Variants in TCF12 observed in about 807,000 individuals in gnomAD.
TCF12 encodes the protein transcription factor 12, also known as DNA-binding protein HTF4.
A neutral mutation model predicts 86.0 loss-of-function variants in TCF12; 45 were observed. That is an observed-to-expected ratio of 0.52 (90% CI 0.41 to 0.67). TCF12 has a LOEUF of 0.67. Ranked by LOEUF, TCF12 falls within the 30% of genes least tolerant of loss-of-function variation. The pLI, the probability that TCF12 is intolerant of heterozygous loss-of-function variation, is 0.00. For missense variants in TCF12, 881 were observed against 859.9 expected, an observed-to-expected ratio of 1.02 and a Z score of -0.31; for synonymous variants, 330 against 299.6, an observed-to-expected ratio of 1.10 and a Z score of -1.05.
rs751531650 is a variant in TCF12 at position 56,920,033 on chromosome 15, T to C, written c.75+45T>C. On this transcript the variant is annotated intron_variant, in intron 2 of 20. Transcript: ENST00000333725. The stretch of plus-strand genomic sequence containing the variant: ...CATCTTGGGGTTCTGCTGAGGTTTT[T>C]GTTTGTTTGTTTGTTTGTTTCTTTT... 6.8e-6 allele frequency: 10 copies of C among 1,462,344 alleles called. No individual in the cohort carries two copies. In the South Asian group the frequency reaches 1.1e-4, roughly 17 times the overall value. The allele number at this position is 1,462,344 out of a possible 1,614,324, so 90.6% of individuals were successfully genotyped here. A position where few individuals can be genotyped will look rare whatever the true frequency, so the allele number is the denominator to read the frequency against.
At position 56,978,058 on chromosome 15, in the gene TCF12, A is replaced by T. The variant is rs553558545; in HGVS notation, c.148+56960A>T. ...AACAAAGATCTGTCTTCGATGCATGAAGAAGCTATTCTCATAAATGTATAT... is the reference window on the plus strand; with the variant it reads ...AACAAAGATCTGTCTTCGATGCATGTAGAAGCTATTCTCATAAATGTATAT... On this transcript the variant is annotated intron_variant, in intron 3 of 20. Transcript: ENST00000333725. 2.0e-5 allele frequency among the ~76,000 whole-genome samples: 3 copies of T among 152,364 alleles called. No individual in the cohort carries two copies. In the East Asian group the frequency reaches 5.8e-4, roughly 29 times the overall value.
intron 3 of TCF12, among the ~76,000 whole-genome samples, chr15:57,010,637 A>G (rs1434449032): frequency 2.6e-5 from 4 of 152,176 alleles, no homozygotes; most frequent in African/African-American, 9.7e-5. Flanking sequence ...CCTTAAAGCA[A>G]AAATAAGGAA....
intron 3 of TCF12, 125 bp from the exon 4 acceptor site, chr15:57,063,625 A>T: frequency 1.7e-6 from 1 of 605,360 alleles, no homozygotes; most frequent in South Asian, 3.3e-5. Context: ...TGAAGCAAGG[A>T]TTGATACTTA....
intron 8 of TCF12, among the ~76,000 whole-genome samples, chr15:57,204,032 G>C (rs1305934177): frequency 1.3e-5 from 2 of 152,084 alleles, no homozygotes; most frequent in African/African-American, 4.8e-5. Context: ...ACCACTATAA[G>C]GAGCTTTATT....
chr15:57,111,858 G>C (rs1470125003), intron 5 of TCF12, among the ~76,000 whole-genome samples: 2 of 152,108 alleles, frequency 1.3e-5, no homozygotes, highest in Non-Finnish European at 2.9e-5. Flanking sequence ...CTTTCGGAGT[G>C]CTAGGATTAC....
At chr15:57,010,608 G>A (rs2064769466) in intron 3 of TCF12, among the ~76,000 whole-genome samples, 1 of 152,068 alleles carries the variant, frequency 6.6e-6, no homozygotes, top group African/African-American at 2.4e-5. Flanking sequence ...TTTTTATGAA[G>A]GGAAGCTTTT....
intron 8 of TCF12, among the ~76,000 whole-genome samples, chr15:57,223,643 GTTTTTTTTTT>G (rs550493641): frequency 1.3e-4 from 9 of 69,666 alleles, no homozygotes; most frequent in East Asian, 1.0e-3. Flanking sequence ...TACCAATGAG[GTTTTTTTTTT>G]TTTTTTTTTT....
intron 8 of TCF12, among the ~76,000 whole-genome samples, chr15:57,218,819 C>A (rs1329390989): frequency 1.3e-5 from 2 of 152,066 alleles, no homozygotes; most frequent in African/African-American, 4.8e-5. Flanking sequence ...TTGGACTAAG[C>A]TTTTTAATAA....
chr15:57,246,641 C>T (rs1234545142), intron 13 of TCF12, among the ~76,000 whole-genome samples: 1 of 151,846 alleles, frequency 6.6e-6, no homozygotes, highest in African/African-American at 2.4e-5. Flanking sequence ...GTTTACAGGG[C>T]AATATACCTG....
chr15:57,025,250 T>G (rs989526682), intron 3 of TCF12, among the ~76,000 whole-genome samples: 4 of 152,140 alleles, frequency 2.6e-5, no homozygotes, highest in Non-Finnish European at 4.4e-5. Flanking sequence ...CGGCTAATTT[T>G]TGTATTTTCA....
chr15:57,108,362 C>T (rs1245387296), intron 5 of TCF12, among the ~76,000 whole-genome samples: 1 of 152,080 alleles, frequency 6.6e-6, no homozygotes. Flanking sequence ...TAGAAAGACA[C>T]AAAAACAATT....
At chr15:57,142,300 C>T (rs1674789079) in intron 5 of TCF12, among the ~76,000 whole-genome samples, 1 of 34,548 alleles carries the variant, frequency 2.9e-5, no homozygotes, top group Non-Finnish European at 7.4e-5. Context: ...TTTACTCACA[C>T]TTTTATAGAT....
At chr15:57,241,897 G>T (rs577293914) in intron 12 of TCF12, among the ~76,000 whole-genome samples, 16 of 138,896 alleles carry the variant, frequency 1.2e-4, no homozygotes, top group Admixed American at 7.1e-4. Context: ...GAGGCTGAGC[G>T]GGGAAAATCA....
chr15:57,079,572 G>T (rs1215130516), intron 4 of TCF12, among the ~76,000 whole-genome samples: 1 of 152,088 alleles, frequency 6.6e-6, no homozygotes, highest in Admixed American at 6.5e-5. Context: ...AGTATATCTG[G>T]ACACACAAAT....
intron 5 of TCF12, among the ~76,000 whole-genome samples, chr15:57,098,021 A>C (rs1338938964): frequency 6.7e-6 from 1 of 149,094 alleles, no homozygotes; most frequent in East Asian, 1.9e-4. Flanking sequence ...AAAAAAAAAA[A>C]AAAAAAAAAA....
intron 3 of TCF12, among the ~76,000 whole-genome samples, chr15:56,925,240 G>GCCCCCCCCCCC (rs11465192): frequency 3.7e-5 from 5 of 136,254 alleles, no homozygotes; most frequent in Admixed American, 7.5e-5. Flanking sequence ...GGTGTCCACC[G>GCCCCCCCCCCC]CCCCCCCACC....
rs1491363606 is a variant in TCF12 at position 57,170,697 on chromosome 15, T to TAACA, written c.390+4231_390+4232insAACA. Among the ~76,000 whole-genome samples the TAACA allele has an allele frequency of 2.9e-3, 86 of 29,670 alleles. 4 individuals are homozygous for TAACA. Among genetic ancestry groups the TAACA allele is most frequent in the East Asian group, 6.6e-3 (8 of 1,208 alleles). 19.5% of individuals were successfully genotyped at this position (29,670 alleles called of 152,430 possible). On this transcript the variant is annotated intron_variant, in intron 6 of 20. Transcript: ENST00000333725. Reference sequence around the variant, plus strand: ...TATAATATATTATATATAATATATATTATATATAATATATAATATATATAT... The same window carrying TAACA: ...TATAATATATTATATATAATATATATAACATATATATAATATATAATATATATAT...
intron 13 of TCF12, among the ~76,000 whole-genome samples, chr15:57,249,990 GCTT>G (rs1375711016): frequency 2.0e-5 from 3 of 151,518 alleles, no homozygotes; most frequent in Non-Finnish European, 4.4e-5. Context: ...ATTTTTTTAT[GCTT>G]CTTTTTTTTC....
At chr15:57,203,830 C>G (rs2057676518) in intron 8 of TCF12, among the ~76,000 whole-genome samples, 1 of 152,102 alleles carries the variant, frequency 6.6e-6, no homozygotes, top group African/African-American at 2.4e-5. Flanking sequence ...CAAGACCAGC[C>G]TGAGCAACCT....
Sources: allele counts gnomAD v4.1 joint callset (sites outside exome capture counted in the v4.1 genomes callset), GRCh38; gene constraint gnomAD v4.1.1; transcripts MANE v1.5; gene names NCBI Gene and HGNC (gene_info 2026-07-23, HGNC 2026-07-21).